The following OSTF1 variants were observed in gnomAD, a reference collection of about 807,000 sequenced individuals.
OSTF1 encodes the protein osteoclast-stimulating factor 1.
Under a neutral mutation model 37.2 loss-of-function variants are expected in OSTF1, and 27 were observed. The observed-to-expected ratio is 0.73, with a 90% CI of 0.54 to 1.00. The LOEUF is 1.00. Ranked by LOEUF, OSTF1 falls within the 50% of genes least tolerant of loss-of-function variation. The pLI, the probability that OSTF1 is intolerant of heterozygous loss-of-function variation, is 0.00. For synonymous variants in OSTF1, 82 were observed against 89.2 expected (o/e 0.92, Z 0.46); for missense variants, 232 against 253.8 (o/e 0.91, Z 0.58).
intron 1 of OSTF1, among the ~76,000 whole-genome samples, chr9:75,096,995 G>C (rs1307698812): frequency 6.6e-6 from 1 of 152,150 alleles, no homozygotes; most frequent in East Asian, 1.9e-4. Flanking sequence ...TTATTGTTTG[G>C]ATGAGTCAGT....
At chr9:75,116,681 A>G (rs2118512291) in intron 1 of OSTF1, among the ~76,000 whole-genome samples, 1 of 151,220 alleles carries the variant, frequency 6.6e-6, no homozygotes, top group Admixed American at 6.6e-5. Context: ...CACTGATTTA[A>G]GAATATTAAA....
chr9:75,140,756 T>G (rs1047405467), intron 8 of OSTF1, 78 bp from the exon 9 acceptor site: 1 of 939,542 alleles, frequency 1.1e-6, no homozygotes, highest in Non-Finnish European at 1.6e-6. Flanking sequence ...CCAAAAGTTG[T>G]TAGCTGTGGG....
chr9:75,111,760 A>G (rs1406903999), intron 1 of OSTF1, among the ~76,000 whole-genome samples: 1 of 149,918 alleles, frequency 6.7e-6, no homozygotes, highest in Non-Finnish European at 1.5e-5. Flanking sequence ...GAACAAGTAA[A>G]CTTGGAATTG....
chr9:75,091,935 G>C (rs1032074747), intron 1 of OSTF1, among the ~76,000 whole-genome samples: 3 of 152,204 alleles, frequency 2.0e-5, no homozygotes, highest in African/African-American at 4.8e-5. Flanking sequence ...TGAGATCTGA[G>C]ACAGATTTTC....
intron 1 of OSTF1, among the ~76,000 whole-genome samples, chr9:75,106,268 C>T (rs547554105): frequency 6.6e-6 from 1 of 152,308 alleles, no homozygotes; most frequent in African/African-American, 2.4e-5. Flanking sequence ...TTACTCATTA[C>T]ATTGGAAACT....
intron 1 of OSTF1, among the ~76,000 whole-genome samples, chr9:75,114,080 A>G (rs1159939471): frequency 1.3e-5 from 2 of 152,122 alleles, no homozygotes; most frequent in Non-Finnish European, 2.9e-5. Context: ...ACAAAACATA[A>G]TGTTCTTCAG....
intron 9 of OSTF1, 104 bp from the exon 10 acceptor site, chr9:75,146,579 G>A (rs1826028293): frequency 6.4e-6 from 5 of 777,092 alleles, no homozygotes; most frequent in Non-Finnish European, 6.5e-6. Context: ...CCCTGGGTCA[G>A]ATGGAAGATT....
chr9:75,095,131 C>A (rs913951813), intron 1 of OSTF1, among the ~76,000 whole-genome samples: 10 of 152,174 alleles, frequency 6.6e-5, no homozygotes, highest in African/African-American at 2.4e-4. Flanking sequence ...TTTAACCAGA[C>A]CCTAATTAAC....
intron 4 of OSTF1, among the ~76,000 whole-genome samples, chr9:75,131,083 C>T (rs4745380): frequency 0.77 from 117,302 of 152,150 alleles, 45,565 homozygotes; most frequent in African/African-American, 0.86. Context: ...ACACGGCTCC[C>T]GCCATGAAGC....
intron 3 of OSTF1, among the ~76,000 whole-genome samples, chr9:75,128,935 C>T (rs983708828): frequency 4.6e-5 from 7 of 151,914 alleles, no homozygotes; most frequent in African/African-American, 1.7e-4. Flanking sequence ...GGAAAAATGA[C>T]CAACCCAATA....
intron 2 of OSTF1, among the ~76,000 whole-genome samples, chr9:75,124,972 C>G (rs1010522001): frequency 1.3e-5 from 2 of 152,170 alleles, no homozygotes; most frequent in African/African-American, 4.8e-5. Context: ...GGGAGATGTA[C>G]TCAGTAAGAA....
chr9:75,143,434 A>C (rs1825974396), intron 9 of OSTF1, among the ~76,000 whole-genome samples: 1 of 152,164 alleles, frequency 6.6e-6, no homozygotes, highest in Non-Finnish European at 1.5e-5. Context: ...CCTGTTCACC[A>C]CAACCCAGAT....
At chr9:75,134,842 A>G (rs534789909) in intron 7 of OSTF1, among the ~76,000 whole-genome samples, 8 of 152,168 alleles carry the variant, frequency 5.3e-5, no homozygotes, top group Admixed American at 6.6e-5. Context: ...GGGTGTCTAA[A>G]TAGTGTTCAC....
At chr9:75,109,308 G>A (rs767721867) in intron 1 of OSTF1, among the ~76,000 whole-genome samples, 2 of 152,120 alleles carry the variant, frequency 1.3e-5, no homozygotes, top group African/African-American at 4.8e-5. Flanking sequence ...CGCCATGCCC[G>A]GCCAGGTTTC....
chr9:75,111,129 A>G (rs570260026), intron 1 of OSTF1, among the ~76,000 whole-genome samples: 43 of 152,296 alleles, frequency 2.8e-4, no homozygotes, highest in Non-Finnish European at 5.9e-4. Context: ...TGTAAGCCCC[A>G]GGCCCGCCTA....
intron 2 of OSTF1, among the ~76,000 whole-genome samples, chr9:75,122,087 G>C (rs1371747743): frequency 2.6e-5 from 4 of 152,166 alleles, no homozygotes; most frequent in Non-Finnish European, 5.9e-5. Context: ...TTCTCACCCA[G>C]CTCCTTTTAA....
intron 1 of OSTF1, among the ~76,000 whole-genome samples, chr9:75,101,598 T>C (rs1825195011): frequency 6.6e-6 from 1 of 152,252 alleles, no homozygotes; most frequent in African/African-American, 2.4e-5. Context: ...AGGGGCTCCG[T>C]TTTCAAAGAT....
chr9:75,108,754 A>G (rs185628736), intron 1 of OSTF1, among the ~76,000 whole-genome samples: 78 of 152,216 alleles, frequency 5.1e-4, no homozygotes, highest in African/African-American at 1.9e-3. Context: ...TCAGGGAGGA[A>G]GGATAGCTTA....
chr9:75,137,760 T>C, intron 8 of OSTF1, 144 bp downstream of exon 8: 1 of 578,288 alleles, frequency 1.7e-6, no homozygotes, highest in South Asian at 2.2e-5. Flanking sequence ...TATCATGGAA[T>C]AGTTATGATA....
Sources: allele counts gnomAD v4.1 joint callset (sites outside exome capture counted in the v4.1 genomes callset), GRCh38; gene constraint gnomAD v4.1.1; transcripts MANE v1.5; gene names NCBI Gene and HGNC (gene_info 2026-07-23, HGNC 2026-07-21).